Variants in INTS4 observed in about 807,000 individuals in gnomAD.
INTS4 encodes the protein integrator complex subunit 4, also known as MSTP093.
INTS4 carries 70 observed loss-of-function variants against 119.5 expected under a neutral mutation model. The observed-to-expected ratio is 0.59, with a 90% CI of 0.48 to 0.71. The LOEUF (loss-of-function observed/expected upper bound fraction) is 0.71, where lower values mean the gene tolerates loss of function less well. Among genes scored for constraint, INTS4 ranks in the 30% least tolerant of loss-of-function variants. The pLI, the probability that INTS4 is intolerant of heterozygous loss-of-function variation, is 0.00. For missense variants in INTS4, 867 were observed against 1,173.2 expected (o/e 0.74, Z 3.81); for synonymous variants, 316 against 419.6 (o/e 0.75, Z 3.02).
At position 77,883,905 on chromosome 11, in the gene INTS4, T is replaced by A; in HGVS notation, c.2640A>T (p.Ala880=). The part of the protein sequence containing the change: ...GQAQMIHPKP[A]DFRNPGPGRH... ...GCCCTGGGCCAGGATTCCGGAAGTCTGCAGGCTTGGGGTGAATCATCTGAG... is the reference window on the plus strand; with the variant it reads ...GCCCTGGGCCAGGATTCCGGAAGTCAGCAGGCTTGGGGTGAATCATCTGAG... The change falls in exon 22 of 23, where the codon GCA becomes GCT. Residue 880 remains alanine, a synonymous_variant. Coordinates refer to ENST00000534064, the MANE Select transcript of INTS4 (RefSeq NM_033547.4). The A allele has an allele frequency of 6.2e-7, 1 of 1,613,298 alleles. No homozygotes were observed.
intron 22 of INTS4, among the ~76,000 whole-genome samples, chr11:77,881,711 T>C (rs1330821556): frequency 6.6e-6 from 1 of 152,180 alleles, no homozygotes; most frequent in Admixed American, 6.5e-5. Flanking sequence ...ACTAAAACAA[T>C]GGAGATACAG....
intron 15 of INTS4, among the ~76,000 whole-genome samples, chr11:77,913,546 C>T (rs1279871306): frequency 1.3e-5 from 2 of 152,058 alleles, no homozygotes; most frequent in Admixed American, 1.3e-4. Flanking sequence ...CTCCTGAGCT[C>T]GTGATCCGCC....
At position 77,991,304 on chromosome 11, in the gene INTS4, A is replaced by T; in HGVS notation, c.55-5T>A. 6.2e-7 allele frequency: 1 copy of T among 1,611,666 alleles called. No homozygotes were observed. Among genetic ancestry groups the T allele is most frequent in the South Asian group, 1.1e-5 (1 of 91,006 alleles). The stretch of plus-strand genomic sequence containing the variant: ...AGTAGCAATTTCCTCCTGTGGCTGC[A>T]AGGGGTAGAGAAAATCGAAAACACA... On this transcript the variant is annotated splice_polypyrimidine_tract_variant and splice_region_variant and intron_variant, in intron 1 of 22. Transcript: ENST00000534064.
Position 77,931,382 on chromosome 11 carries a change from C to G in INTS4, c.1166-2835G>C, listed in dbSNP as rs376515195. Among the ~76,000 whole-genome samples the G allele has an allele frequency of 6.6e-5, 10 of 152,298 alleles. No homozygotes were observed. The East Asian group carries it at 1.3e-3, about 21-fold the overall frequency. On this transcript the variant is annotated intron_variant, in intron 10 of 22. Transcript: ENST00000534064. ...CCCTAAAACCCAAATTTTCCCAGAA[C>G]TGTATAAATGTGATAAAATTAGAAA...
chr11:77,989,248 G>A (rs1311364569), intron 2 of INTS4, among the ~76,000 whole-genome samples: 1 of 152,092 alleles, frequency 6.6e-6, no homozygotes, highest in East Asian at 1.9e-4. Context: ...AGCACTTTGG[G>A]AGGCCGAGGC....
At position 77,961,122 on chromosome 11, in the gene INTS4, G is replaced by A. The variant is rs140056069; in HGVS notation, c.488C>T (p.Ser163Phe). 5.5e-5 allele frequency: 85 copies of A among 1,536,194 alleles called. No homozygotes were observed. The highest frequency in any genetic ancestry group is 7.0e-5 in the Non-Finnish European group (80 of 1,139,678). The part of the protein sequence containing the change: ...DVACKHLTDT[S>F]HGVRNKCLQL... ...CAGGCACTTATTTCTTACACCATGA[G>A]ACGTATCTGTCAGATGCTATTAAAA... is the stretch of plus-strand genomic sequence containing the variant. The change falls in exon 5 of 23, where the codon TCT becomes TTT. Residue 163 changes from serine to phenylalanine, a missense_variant. This residue lies in a region of INTS4 where 224 missense variants were observed against 231.8 expected (regional missense o/e 0.97). Coordinates refer to ENST00000534064, the MANE Select transcript of INTS4 (RefSeq NM_033547.4).
At chr11:77,890,023 T>C (rs1207095283) in intron 21 of INTS4, among the ~76,000 whole-genome samples, 2 of 152,194 alleles carry the variant, frequency 1.3e-5, no homozygotes, top group Non-Finnish European at 2.9e-5. Context: ...AACACTAGTG[T>C]CCATAGGCCC....
intron 8 of INTS4, among the ~76,000 whole-genome samples, chr11:77,947,468 AAG>A (rs1198878519): frequency 6.6e-6 from 1 of 152,238 alleles, no homozygotes; most frequent in Non-Finnish European, 1.5e-5. Context: ...CTCGCAGACC[AAG>A]AGAGAATGGG....
At chr11:77,926,820 AAAAAAAGGAAAGGAAAGGAAAGG>A (rs918635784) in intron 11 of INTS4, among the ~76,000 whole-genome samples, 5 of 151,798 alleles carry the variant, frequency 3.3e-5, no homozygotes, top group African/African-American at 9.7e-5. Context: ...TCAAAAAAAA[AAAAAAAGGAAAGGAAAGGAAAGG>A]AAAAAGGAAA....
At chr11:77,902,041 C>T (rs1337394914) in intron 17 of INTS4, among the ~76,000 whole-genome samples, 1 of 152,156 alleles carries the variant, frequency 6.6e-6, no homozygotes, top group Non-Finnish European at 1.5e-5. Context: ...TTGTCTATGA[C>T]CCCAGATCAA....
At chr11:77,960,910 A>G in intron 5 of INTS4, 43 bp downstream of exon 5, 1 of 1,555,944 alleles carries the variant, frequency 6.4e-7, no homozygotes, top group Admixed American at 1.9e-5. Flanking sequence ...TTAAAAAACA[A>G]AAATGAACAC....
intron 8 of INTS4, among the ~76,000 whole-genome samples, chr11:77,943,809 T>C (rs1953985330): frequency 1.3e-5 from 2 of 152,232 alleles, no homozygotes; most frequent in Non-Finnish European, 2.9e-5. Context: ...TTATCACACC[T>C]GCTTTAAGAA....
At chr11:77,900,758 T>C (rs1952755441) in intron 18 of INTS4, 2 of 613,242 alleles carry the variant, frequency 3.3e-6, no homozygotes, top group East Asian at 5.5e-5. Flanking sequence ...ATAAAAAATG[T>C]GTATCTTGGA....
In INTS4 at chr11:77,884,384, T is replaced by C. The variant is rs555621106; in HGVS notation, c.2593-432A>G. Among the ~76,000 whole-genome samples, 307 of 152,298 alleles carry C rather than the reference T, an allele frequency of 2.0e-3. 4 individuals carry two copies. Among genetic ancestry groups the C allele is most frequent in the Non-Finnish European group, 8.4e-4 (57 of 68,022 alleles). On this transcript the variant is annotated intron_variant, in intron 21 of 22. Coordinates refer to ENST00000534064, the MANE Select transcript of INTS4 (RefSeq NM_033547.4). ...TACATTGCAAGCAGCTAGGAAGTCA[T>C]TTATCTCTCTCTCTACGGAGAGACG...
intron 19 of INTS4, among the ~76,000 whole-genome samples, chr11:77,892,588 T>A (rs12224109): frequency 1.9e-4 from 29 of 152,190 alleles, no homozygotes; most frequent in African/African-American, 6.3e-4. Context: ...AATTTTTTTT[T>A]AATTTTCTTT....
intron 8 of INTS4, among the ~76,000 whole-genome samples, chr11:77,950,923 C>T (rs1591097662): frequency 7.3e-6 from 1 of 137,602 alleles, no homozygotes; most frequent in African/African-American, 2.7e-5. Flanking sequence ...CTTCCTGTGT[C>T]CATGTGTTCT....
Position 77,956,714 on chromosome 11 carries a change from AATAAT to A in INTS4, c.798-657_798-653del, listed in dbSNP as rs1565271359. 9.1e-3 allele frequency among the ~76,000 whole-genome samples: 79 copies of A among 8,710 alleles called. 5 individuals are homozygous for A. The highest frequency in any genetic ancestry group is 0.041 in the Admixed American group (23 of 566). The allele number at this position is 8,710 out of a possible 152,430, so 5.7% of individuals were successfully genotyped here. A position where few individuals can be genotyped will look rare whatever the true frequency, so the allele number is the denominator to read the frequency against. On this transcript the variant is annotated intron_variant, in intron 7 of 22. Transcript: ENST00000534064. Reference sequence around the variant, plus strand: ...AGAGCGAGACTCCATCTCAAAAAATAATAATAATAATAATAATAATAATAATAATA... The same window carrying A: ...AGAGCGAGACTCCATCTCAAAAAATAAATAATAATAATAATAATAATAATA...
In INTS4 at chr11:77,980,654, C is replaced by T. The variant is rs185119427; in HGVS notation, c.364+805G>A. 8.3e-4 allele frequency among the ~76,000 whole-genome samples: 126 copies of T among 152,330 alleles called. 1 individual carries two copies. Among genetic ancestry groups the T allele is most frequent in the Non-Finnish European group, 1.5e-3 (104 of 68,020 alleles). ...TCGACCTCCCAAAGTTTTGGTATTACAGGCCTAGCCTAACCTGTGCCTAGC... is the reference window on the plus strand; with the variant it reads ...TCGACCTCCCAAAGTTTTGGTATTATAGGCCTAGCCTAACCTGTGCCTAGC... On this transcript the variant is annotated intron_variant, in intron 3 of 22. Transcript: ENST00000534064.
downstream of INTS4, chr11:77,876,844 G>A: frequency 3.3e-6 from 2 of 608,770 alleles, no homozygotes; most frequent in Non-Finnish European, 5.9e-6. Context: ...TTATAAAAGG[G>A]GTACTTATCT....
Sources: gnomAD v4.1 joint callset for allele counts (sites outside exome capture counted in the v4.1 genomes callset) on GRCh38, gnomAD v4.1.1 for gene constraint, gnomAD v4.1.1 regional missense constraint, MANE v1.5 for transcripts, NCBI Gene and HGNC (gene_info 2026-07-23, HGNC 2026-07-21) for gene names.